The following EPHB2 variants were observed in gnomAD, a reference collection of about 807,000 sequenced individuals.
EPHB2 encodes EPH receptor B2.
A neutral mutation model predicts 96.4 loss-of-function variants in EPHB2; 18 were observed. The observed-to-expected ratio is 0.19, with a 90% CI of 0.13 to 0.28. The LOEUF is 0.28. Among genes scored for constraint, EPHB2 ranks in the 10% least tolerant of loss-of-function variants. The probability of loss-of-function intolerance (pLI) is 1.00; values close to 1 mark genes in which losing one functional copy is unlikely to be tolerated. For synonymous variants in EPHB2, 506 were observed against 534.1 expected, an observed-to-expected ratio of 0.95 and a Z score of 0.72; for missense variants, 989 against 1,355.4, an observed-to-expected ratio of 0.73 and a Z score of 4.25.
chr1:22,885,435 G>C (rs960829661), intron 6 of EPHB2, among the ~76,000 whole-genome samples: 1 of 152,356 alleles, frequency 6.6e-6, no homozygotes, highest in Admixed American at 6.5e-5. Context: ...TCCCCAGGCC[G>C]CTGCTGGGGT....
At position 22,733,383 on chromosome 1, in the gene EPHB2, G is replaced by C. The variant is rs1643759054; in HGVS notation, c.61+22340G>C. ...TTTCTAACCAGCCTCTTTATTTTCA[G>C]ATGGGGAAACCAAGACCCAAAGAGG... On this transcript the variant is annotated intron_variant, in intron 1 of 15. Coordinates refer to ENST00000374630, the MANE Select transcript of EPHB2 (RefSeq NM_017449.5). This position sits in a 1 kb window ranked among gnomAD's most constrained non-coding sequence, Gnocchi z 4.6. 6.6e-6 allele frequency among the ~76,000 whole-genome samples: 1 copy of C among 152,146 alleles called. No individual in the cohort carries two copies. The highest frequency in any genetic ancestry group is 2.4e-5 in the African/African-American group (1 of 41,420).
At chr1:22,897,268 G>A (rs959678219) in intron 9 of EPHB2, among the ~76,000 whole-genome samples, 4 of 152,172 alleles carry the variant, frequency 2.6e-5, no homozygotes, top group Admixed American at 6.5e-5. Flanking sequence ...TCAGGGAGTC[G>A]GGGGAGAGCA....
chr1:22,910,344 C>T, intron 13 of EPHB2, 38 bp from the exon 14 acceptor site: 2 of 1,613,450 alleles, frequency 1.2e-6, no homozygotes, highest in Non-Finnish European at 1.7e-6. Flanking sequence ...GCCCTCAGCC[C>T]ATCCACCCAA....
chr1:22,820,447 G>A (rs1195856397), intron 3 of EPHB2, among the ~76,000 whole-genome samples: 3 of 152,194 alleles, frequency 2.0e-5, no homozygotes, highest in African/African-American at 4.8e-5. Context: ...GATCACTTGA[G>A]CCCAGGAGTT....
chr1:22,749,525 G>T (rs1644030724), intron 1 of EPHB2, among the ~76,000 whole-genome samples: 1 of 152,150 alleles, frequency 6.6e-6, no homozygotes, highest in South Asian at 2.1e-4. Flanking sequence ...TGGTTCTGTG[G>T]GTGACAACAG....
At chr1:22,783,373 A>G (rs1331469668) in intron 2 of EPHB2, among the ~76,000 whole-genome samples, 1 of 152,192 alleles carries the variant, frequency 6.6e-6, no homozygotes, top group African/African-American at 2.4e-5. Context: ...AAGCCAGCCA[A>G]CACCAAAGGG....
intron 1 of EPHB2, among the ~76,000 whole-genome samples, chr1:22,753,763 T>C (rs111344463): frequency 6.6e-6 from 1 of 152,284 alleles, no homozygotes; most frequent in Non-Finnish European, 1.5e-5. Flanking sequence ...ATCCTTTCAC[T>C]TTCTCTCAAT....
chr1:22,880,562 G>A (rs1377445268), intron 5 of EPHB2, among the ~76,000 whole-genome samples: 2 of 152,252 alleles, frequency 1.3e-5, no homozygotes, highest in Admixed American at 6.5e-5. Context: ...GTCACACCAC[G>A]GGTGTGGGGA....
rs142065305 is a variant in EPHB2 at position 22,715,643 on chromosome 1, G to T, written c.61+4600G>T. 2.0e-3 allele frequency among the ~76,000 whole-genome samples: 306 copies of T among 152,370 alleles called. 1 individual carries two copies. Among genetic ancestry groups the T allele is most frequent in the African/African-American group, 7.0e-3 (293 of 41,588 alleles). ...TAAATGTTGTAGAATCAGAAAGCCA[G>T]TTGACTTATTCACTCATTCATTTCT... On this transcript the variant is annotated intron_variant, in intron 1 of 15. Coordinates refer to ENST00000374630, the MANE Select transcript of EPHB2 (RefSeq NM_017449.5).
At chr1:22,775,711 G>T (rs1030222701) in intron 1 of EPHB2, among the ~76,000 whole-genome samples, 1 of 152,234 alleles carries the variant, frequency 6.6e-6, no homozygotes, top group African/African-American at 2.4e-5. Context: ...TTTCTTCTGT[G>T]CAGCCTCCAG....
intron 3 of EPHB2, among the ~76,000 whole-genome samples, chr1:22,821,536 G>C (rs1284484362): frequency 1.3e-5 from 2 of 152,162 alleles, no homozygotes; most frequent in Non-Finnish European, 2.9e-5. Flanking sequence ...AAAAATGGGG[G>C]CAGAATCATG....
chr1:22,826,505 C>G (rs188965509), intron 3 of EPHB2, among the ~76,000 whole-genome samples: 1 of 152,228 alleles, frequency 6.6e-6, no homozygotes, highest in Admixed American at 6.5e-5. Flanking sequence ...CAACACTTCT[C>G]TCCCAGTGAT....
intron 1 of EPHB2, among the ~76,000 whole-genome samples, chr1:22,741,229 C>A (rs1348728602): frequency 6.6e-6 from 1 of 152,142 alleles, no homozygotes; most frequent in East Asian, 1.9e-4. Context: ...AGCGGCAGCC[C>A]TGGGAGACAT....
At chr1:22,857,344 C>T (rs115057931) in intron 3 of EPHB2, among the ~76,000 whole-genome samples, 78 of 152,116 alleles carry the variant, frequency 5.1e-4, no homozygotes, top group East Asian at 1.5e-3. Context: ...TGTGAGCTGG[C>T]GCTGTAGGAG....
chr1:22,787,391 G>A (rs975611190), intron 3 of EPHB2, among the ~76,000 whole-genome samples: 3 of 152,142 alleles, frequency 2.0e-5, no homozygotes, highest in Middle Eastern at 3.2e-3. Flanking sequence ...GAGGGATGTA[G>A]GAAGAACTGT....
chr1:22,844,192 A>C (rs1199064048), intron 3 of EPHB2, among the ~76,000 whole-genome samples: 4 of 152,204 alleles, frequency 2.6e-5, no homozygotes, highest in Non-Finnish European at 4.4e-5. Flanking sequence ...CAAATGGTAC[A>C]TCTGTTTTAA....
intron 3 of EPHB2, among the ~76,000 whole-genome samples, chr1:22,808,761 G>A (rs546254010): frequency 2.6e-5 from 4 of 152,248 alleles, no homozygotes; most frequent in East Asian, 1.9e-4. Flanking sequence ...ATTTTACAAC[G>A]AGAAAAGCTG....
chr1:22,892,412 G>C (rs932559618), intron 6 of EPHB2, among the ~76,000 whole-genome samples: 4 of 152,152 alleles, frequency 2.6e-5, no homozygotes, highest in African/African-American at 9.7e-5. Flanking sequence ...CTTCCAACAA[G>C]TGGCTATTTT....
Position 22,718,321 on chromosome 1 carries a change from G to A in EPHB2, c.61+7278G>A, listed in dbSNP as rs145474571. On this transcript the variant is annotated intron_variant, in intron 1 of 15. Transcript: ENST00000374630. ...CTTCATGGCTGTACCCTCCTTCTTT[G>A]CCCAGTGCCTGCCAGGCACCACCTT... is the stretch of plus-strand genomic sequence containing the variant. Among the ~76,000 whole-genome samples the A allele has an allele frequency of 9.7e-3, 1,457 of 150,380 alleles. 34 individuals carry two copies. Among genetic ancestry groups the A allele is most frequent in the African/African-American group, 0.033 (1,332 of 40,746 alleles).
Sources: gnomAD v4.1 joint callset for allele counts (sites outside exome capture counted in the v4.1 genomes callset) on GRCh38, gnomAD v4.1.1 for gene constraint, Gnocchi (gnomAD v3.1) non-coding constraint, MANE v1.5 for transcripts, NCBI Gene and HGNC (gene_info 2026-07-23, HGNC 2026-07-21) for gene names.